The following PAFAH1B1 variants were observed in gnomAD, a reference collection of about 807,000 sequenced individuals.
The protein encoded by PAFAH1B1 is platelet activating factor acetylhydrolase 1b regulatory subunit 1, also known as platelet-activating factor acetylhydrolase IB subunit beta.
Under a neutral mutation model 57.5 loss-of-function variants are expected in PAFAH1B1, and 2 were observed. The ratio of observed to expected loss-of-function variants is 0.03; its 90% CI spans 0.01 to 0.11. The LOEUF is 0.11. Ranked by LOEUF, PAFAH1B1 falls within the 10% of genes least tolerant of loss-of-function variation. The pLI, the probability that PAFAH1B1 is intolerant of heterozygous loss-of-function variation, is 1.00. For missense variants in PAFAH1B1, 257 were observed against 512.0 expected (o/e 0.50, Z 4.81); for synonymous variants, 152 against 169.6 (o/e 0.90, Z 0.81).
intron 9 of PAFAH1B1, among the ~76,000 whole-genome samples, chr17:2,679,090 C>G (rs1018985083): frequency 1.3e-5 from 2 of 152,138 alleles, no homozygotes; most frequent in African/African-American, 4.8e-5. Flanking sequence ...AGTTCTAAGC[C>G]TTTTTCTTTA....
intron 2 of PAFAH1B1, among the ~76,000 whole-genome samples, chr17:2,663,216 T>C (rs906629855): frequency 1.3e-5 from 2 of 152,034 alleles, no homozygotes; most frequent in Non-Finnish European, 2.9e-5. Flanking sequence ...AGGCAGAGCT[T>C]GTCGTGAGTG....
chr17:2,632,832 C>T (rs899366412), intron 1 of PAFAH1B1, among the ~76,000 whole-genome samples: 6 of 152,150 alleles, frequency 3.9e-5, no homozygotes, highest in Non-Finnish European at 7.3e-5. Flanking sequence ...TGAGCAACCT[C>T]GGATACCAAA....
At chr17:2,633,887 C>G (rs2068587245) in intron 1 of PAFAH1B1, among the ~76,000 whole-genome samples, 1 of 151,276 alleles carries the variant, frequency 6.6e-6, no homozygotes, top group Non-Finnish European at 1.5e-5. Flanking sequence ...AGGTGTTGCT[C>G]TGCACAGTCT....
chr17:2,607,906 G>A (rs946843803), intron 1 of PAFAH1B1, among the ~76,000 whole-genome samples: 1 of 151,986 alleles, frequency 6.6e-6, no homozygotes, highest in Admixed American at 6.6e-5. Context: ...CTATATTTGG[G>A]TGTATCTATA....
At chr17:2,633,714 A>G (rs2068585084) in intron 1 of PAFAH1B1, among the ~76,000 whole-genome samples, 1 of 152,114 alleles carries the variant, frequency 6.6e-6, no homozygotes, top group Non-Finnish European at 1.5e-5. Context: ...GCTGAGTACA[A>G]CAGACCCATC....
At chr17:2,652,179 G>A (rs1473164261) in intron 2 of PAFAH1B1, among the ~76,000 whole-genome samples, 1 of 152,008 alleles carries the variant, frequency 6.6e-6, no homozygotes, top group Non-Finnish European at 1.5e-5. Flanking sequence ...GGGAGGCCAA[G>A]GCGGGCAAAT....
chr17:2,681,618 T>C (rs2069385706), intron 10 of PAFAH1B1, 111 bp from the exon 11 acceptor site: 1 of 798,214 alleles, frequency 1.3e-6, no homozygotes, highest in South Asian at 1.5e-5. Context: ...CACACTACCA[T>C]GCCCGGCTAA....
chr17:2,594,532 C>T (rs1049619335), intron 1 of PAFAH1B1, among the ~76,000 whole-genome samples: 6 of 152,334 alleles, frequency 3.9e-5, no homozygotes, highest in Non-Finnish European at 5.9e-5. Flanking sequence ...CTCATAGGGC[C>T]TTCCAGGCAT....
chr17:2,664,510 A>G (rs976057779), intron 2 of PAFAH1B1, among the ~76,000 whole-genome samples: 3 of 151,868 alleles, frequency 2.0e-5, no homozygotes, highest in Admixed American at 6.6e-5. Context: ...GGTTCAAGCA[A>G]TTCTTCTGCC....
chr17:2,652,337 C>A (rs192482680), intron 2 of PAFAH1B1, among the ~76,000 whole-genome samples: 1,852 of 152,286 alleles, frequency 0.012, 117 homozygotes, highest in Admixed American at 0.11. Context: ...ATGGCGTGAA[C>A]CCGGGAGGCG....
chr17:2,613,647 A>G (rs1597517506), intron 1 of PAFAH1B1: 1 of 293,228 alleles, frequency 3.4e-6, no homozygotes, highest in African/African-American at 2.2e-5. Flanking sequence ...ACCTGAGTAT[A>G]CTCTCCACAG....
intron 1 of PAFAH1B1, among the ~76,000 whole-genome samples, chr17:2,597,704 C>T (rs1449625789): frequency 3.3e-5 from 5 of 151,752 alleles, no homozygotes; most frequent in Non-Finnish European, 5.9e-5. Context: ...CCACCACACC[C>T]TTCCCTATTT....
chr17:2,617,043 A>T (rs1173659940), intron 1 of PAFAH1B1, among the ~76,000 whole-genome samples: 5 of 152,208 alleles, frequency 3.3e-5, no homozygotes, highest in Admixed American at 3.3e-4. Context: ...ACTGCACTCC[A>T]GCCTGGGCGA....
intron 5 of PAFAH1B1, chr17:2,667,485 A>C: frequency 2.8e-6 from 1 of 356,946 alleles, no homozygotes; most frequent in South Asian, 2.5e-5. Flanking sequence ...GTGGCTCCTG[A>C]GAGGCATGCT....
At chr17:2,634,337 A>AT (rs2068595382) in intron 1 of PAFAH1B1, among the ~76,000 whole-genome samples, 1 of 152,108 alleles carries the variant, frequency 6.6e-6, no homozygotes, top group African/African-American at 2.4e-5. Context: ...GGGTTTTGCC[A>AT]TGTTGGCCAG....
intron 1 of PAFAH1B1, among the ~76,000 whole-genome samples, chr17:2,606,804 T>A (rs1391321676): frequency 6.8e-6 from 1 of 146,656 alleles, no homozygotes; most frequent in Non-Finnish European, 1.5e-5. Flanking sequence ...CATATTTGCC[T>A]CAGAGCTTTT....
At chr17:2,647,025 C>T (rs902989866) in intron 2 of PAFAH1B1, among the ~76,000 whole-genome samples, 1 of 151,920 alleles carries the variant, frequency 6.6e-6, no homozygotes, top group African/African-American at 2.4e-5. Context: ...TGAGTCCAGC[C>T]TAGCCAACAT....
chr17:2,618,154 A>G (rs963842013), intron 1 of PAFAH1B1, among the ~76,000 whole-genome samples: 1 of 152,086 alleles, frequency 6.6e-6, no homozygotes, highest in Non-Finnish European at 1.5e-5. Context: ...AAGCTGAGTC[A>G]GGAGAATCGC....
rs761916098 is a variant in PAFAH1B1, at chr17:2,666,048, T to C, written c.150T>C (p.Leu50=). 1 of 1,523,662 alleles carries C rather than the reference T, an allele frequency of 6.6e-7. No individual in the cohort carries two copies. Among genetic ancestry groups the C allele is most frequent in the Non-Finnish European group, 9.0e-7 (1 of 1,114,876 alleles). The allele number at this position is 1,523,662 out of a possible 1,614,324, so 94.4% of individuals were successfully genotyped here. A position where few individuals can be genotyped will look rare whatever the true frequency, so the allele number is the denominator to read the frequency against. Residue 50 remains leucine, a synonymous_variant, in exon 4 of 11, where the codon CTT becomes CTC. Coordinates refer to ENST00000397195, the MANE Select transcript of PAFAH1B1 (RefSeq NM_000430.4). ...NEELDKKYAG[L]LEKKWTSVIR... ...AATTAGATAAAAAGTATGCTGGTCT[T>C]TTGGAAAAAAAATGGACATCTGTTA...
Sources: gnomAD v4.1 joint callset for allele counts (sites outside exome capture counted in the v4.1 genomes callset) on GRCh38, gnomAD v4.1.1 for gene constraint, MANE v1.5 for transcripts, NCBI Gene and HGNC (gene_info 2026-07-23, HGNC 2026-07-21) for gene names.